Variants in R3HDM1 observed in about 807,000 individuals in gnomAD.
The protein encoded by R3HDM1 is R3H domain containing 1, also known as R3H domain-containing protein 1.
A neutral mutation model predicts 141.1 loss-of-function variants in R3HDM1; 46 were observed. The observed-to-expected ratio is 0.33, with a 90% confidence interval of 0.26 to 0.42. The LOEUF (loss-of-function observed/expected upper bound fraction) is 0.42. Among genes scored for constraint, R3HDM1 ranks in the 10% least tolerant of loss-of-function variants. The pLI, the probability that R3HDM1 is intolerant of heterozygous loss-of-function variation, is 1.00. For synonymous variants in R3HDM1, 435 were observed against 472.9 expected (o/e 0.92, Z 1.04); for missense variants, 1,184 against 1,368.3 (o/e 0.87, Z 2.12).
intron 21 of R3HDM1, among the ~76,000 whole-genome samples, chr2:135,695,662 C>G (rs1364716296): frequency 7.0e-6 from 1 of 143,472 alleles, no homozygotes; most frequent in Non-Finnish European, 1.5e-5. Flanking sequence ...AGAATGTCAG[C>G]CGACTTAGAA....
intron 19 of R3HDM1, among the ~76,000 whole-genome samples, chr2:135,666,492 C>T (rs902119098): frequency 6.6e-6 from 1 of 152,006 alleles, no homozygotes; most frequent in African/African-American, 2.4e-5. Flanking sequence ...CCTACAAATC[C>T]ACCTATTTCC....
intron 1 of R3HDM1, among the ~76,000 whole-genome samples, chr2:135,551,319 A>G (rs543459233): frequency 6.6e-6 from 1 of 152,368 alleles, no homozygotes; most frequent in South Asian, 2.1e-4. Context: ...AGCAGCAGGA[A>G]CTGATAACTA....
At chr2:135,577,108 A>G (rs1705626548) in intron 1 of R3HDM1, 1 of 962,666 alleles carries the variant, frequency 1.0e-6, no homozygotes, top group Non-Finnish European at 1.2e-6. Context: ...AAAAAAGACC[A>G]TATAAGAAAA....
chr2:135,722,588 C>CA (rs764192152), intron 26 of R3HDM1, 35 bp downstream of exon 26: 2 of 1,579,762 alleles, frequency 1.3e-6, no homozygotes, highest in East Asian at 4.5e-5. Context: ...TGTGGGTCTG[C>CA]AAACTGGTGA....
At chr2:135,547,933 C>T (rs1699080581) in intron 1 of R3HDM1, among the ~76,000 whole-genome samples, 2 of 151,862 alleles carry the variant, frequency 1.3e-5, no homozygotes, top group Admixed American at 1.3e-4. Context: ...GCCACCACAC[C>T]CAGCTAATTT....
intron 5 of R3HDM1, among the ~76,000 whole-genome samples, chr2:135,621,006 T>C (rs2061464857): frequency 6.6e-6 from 1 of 152,184 alleles, no homozygotes; most frequent in East Asian, 1.9e-4. Context: ...TGGAAATGTT[T>C]GTACTTAACA....
At position 135,609,862 on chromosome 2, in the gene R3HDM1, G is replaced by A. The variant is rs528608591; in HGVS notation, c.171+4846G>A. ...TCAAGACCAGCCTGGGCAACATGGC[G>A]AAACCCTGTCTCTACCAAAAAAAAT... On this transcript the variant is annotated intron_variant, in intron 3 of 26. Transcript: ENST00000683871. 2.0e-4 allele frequency among the ~76,000 whole-genome samples: 30 copies of A among 152,080 alleles called. No homozygotes were observed. The South Asian group carries it at 5.4e-3, about 27-fold the overall frequency.
chr2:135,544,681 G>A (rs1698310525), intron 1 of R3HDM1, among the ~76,000 whole-genome samples: 1 of 152,172 alleles, frequency 6.6e-6, no homozygotes, highest in Non-Finnish European at 1.5e-5. Flanking sequence ...ACAGGGCCAG[G>A]CATGGTGGCT....
At chr2:135,650,562 C>CT (rs2065040454) in intron 17 of R3HDM1, 5 of 982,480 alleles carry the variant, frequency 5.1e-6, no homozygotes, top group Non-Finnish European at 2.4e-6. Context: ...CAAGGTGACT[C>CT]TGAGAGTGGT....
chr2:135,640,874 G>A (rs1176038824), intron 14 of R3HDM1, among the ~76,000 whole-genome samples: 2 of 152,026 alleles, frequency 1.3e-5, no homozygotes, highest in African/African-American at 4.8e-5. Flanking sequence ...TTAAAAATCA[G>A]TTATCAAATT....
intron 7 of R3HDM1, among the ~76,000 whole-genome samples, chr2:135,623,632 G>A (rs769752111): frequency 9.2e-5 from 14 of 152,146 alleles, no homozygotes; most frequent in Non-Finnish European, 1.9e-4. Flanking sequence ...GAGAAGGTAG[G>A]CAACTCTCCT....
intron 11 of R3HDM1, among the ~76,000 whole-genome samples, chr2:135,638,076 C>T (rs1056341642): frequency 2.6e-5 from 4 of 152,140 alleles, no homozygotes; most frequent in Non-Finnish European, 5.9e-5. Context: ...GAGTTATGAT[C>T]AAATTGACAT....
Position 135,645,518 on chromosome 2 carries a change from T to A in R3HDM1, c.1614T>A (p.Ile538=). Residue 538 remains isoleucine (I), a synonymous_variant, in exon 16 of 27, where the codon ATT becomes ATA. Transcript: ENST00000683871. ...APPQQPAANH[I]FSQPVHPLQS... The stretch of plus-strand genomic sequence containing the variant: ...CTCAACAACCAGCAGCTAATCACAT[T>A]TTCTCACAGGTGCACATATCCATGA... 2.5e-6 allele frequency: 4 copies of A among 1,614,006 alleles called. No homozygotes were observed. The highest frequency in any genetic ancestry group is 3.4e-6 in the Non-Finnish European group (4 of 1,179,962).
At chr2:135,590,857 C>T (rs770039451) in intron 1 of R3HDM1, 2 of 364,494 alleles carry the variant, frequency 5.5e-6, no homozygotes, top group Admixed American at 6.5e-5. Flanking sequence ...TTTTTACTGG[C>T]CACAAAATGC....
chr2:135,648,467 A>G (rs1041683137), intron 16 of R3HDM1, among the ~76,000 whole-genome samples: 1 of 152,002 alleles, frequency 6.6e-6, no homozygotes, highest in Non-Finnish European at 1.5e-5. Context: ...TTTTTAAAGT[A>G]TTGTCTCTGA....
chr2:135,699,932 G>A (rs551609064), intron 21 of R3HDM1, among the ~76,000 whole-genome samples: 5 of 152,090 alleles, frequency 3.3e-5, no homozygotes, highest in East Asian at 1.9e-4. Context: ...CAAAAAGTAG[G>A]CTAAAACATA....
rs35038268 is a variant in R3HDM1, at chr2:135,577,414, CAAAAAAAA to C, written c.-249-25067_-249-25060del. 1.5e-3 allele frequency among the ~76,000 whole-genome samples: 24 copies of C among 15,804 alleles called. No homozygotes were observed. The East Asian group carries it at 0.026, about 17-fold the overall frequency. 10.4% of individuals were successfully genotyped at this position (15,804 alleles called of 152,430 possible). A position where few individuals can be genotyped will look rare whatever the true frequency, so the allele number is the denominator to read the frequency against. Reference sequence around the variant, plus strand: ...AAAGAACTCTTAATAATTAAATGACCAAAAAAAAAAAAAAAAAAAAAAAAAAGCCTTGA... The same window carrying C: ...AAAGAACTCTTAATAATTAAATGACCAAAAAAAAAAAAAAAAAAGCCTTGA... On this transcript the variant is annotated intron_variant, in intron 1 of 26. Coordinates refer to ENST00000683871, the MANE Select transcript of R3HDM1 (RefSeq NM_001378107.1).
chr2:135,641,825 C>A, intron 15 of R3HDM1, 35 bp downstream of exon 15: 1 of 1,546,316 alleles, frequency 6.5e-7, no homozygotes, highest in South Asian at 1.3e-5. Flanking sequence ...CAGGAATTAT[C>A]TGAAAATTTA....
rs913093567 is a variant in R3HDM1, at chr2:135,605,033, C to T, written c.171+17C>T. ...GATTTGCAGGTAAACAGGAATTTTTCTCTGGCTACAAATACTAAATATTCA... is the reference window on the plus strand; with the variant it reads ...GATTTGCAGGTAAACAGGAATTTTTTTCTGGCTACAAATACTAAATATTCA... On this transcript the variant is annotated intron_variant, in intron 3 of 26. Transcript: ENST00000683871. 1.5e-5 allele frequency: 23 copies of T among 1,525,978 alleles called. No individual in the cohort carries two copies. Among genetic ancestry groups the T allele is most frequent in the Non-Finnish European group, 2.0e-5 (22 of 1,110,790 alleles). 94.5% of individuals were successfully genotyped at this position (1,525,978 alleles called of 1,614,324 possible). A position where few individuals can be genotyped will look rare whatever the true frequency, so the allele number is the denominator to read the frequency against.
Sources: gnomAD v4.1 joint callset for allele counts (sites outside exome capture counted in the v4.1 genomes callset) on GRCh38, gnomAD v4.1.1 for gene constraint, MANE v1.5 for transcripts, NCBI Gene and HGNC (gene_info 2026-07-23, HGNC 2026-07-21) for gene names.